The following ARFGEF1 variants were observed in gnomAD, a reference collection of about 807,000 sequenced individuals.
ARFGEF1 encodes the protein brefeldin A-inhibited guanine nucleotide-exchange protein 1.
In ARFGEF1, 42 loss-of-function variants were observed where a neutral mutation model predicts 231.0. That is an observed-to-expected ratio of 0.18 (90% CI 0.14 to 0.24). ARFGEF1 has a LOEUF of 0.24. Ranked by LOEUF, ARFGEF1 falls within the 10% of genes least tolerant of loss-of-function variation. The pLI is 1.00. For missense variants in ARFGEF1, 1,345 were observed against 2,192.0 expected, an observed-to-expected ratio of 0.61 and a Z score of 7.72; for synonymous variants, 710 against 732.3, an observed-to-expected ratio of 0.97 and a Z score of 0.49.
chr8:67,210,048 G>A (rs571597344), intron 34 of ARFGEF1, among the ~76,000 whole-genome samples: 48 of 151,710 alleles, frequency 3.2e-4, no homozygotes, highest in African/African-American at 8.7e-4. Context: ...CCAGCTACTC[G>A]GGAGGCTGAG....
chr8:67,311,645 C>T (rs1807072006), intron 1 of ARFGEF1, among the ~76,000 whole-genome samples: 1 of 151,538 alleles, frequency 6.6e-6, no homozygotes, highest in Admixed American at 6.6e-5. Flanking sequence ...AGCCAGCCGC[C>T]CCGTCCGGGA....
intron 5 of ARFGEF1, among the ~76,000 whole-genome samples, chr8:67,188,397 GGTA>G (rs972362748): frequency 5.3e-5 from 8 of 152,096 alleles, no homozygotes; most frequent in African/African-American, 1.9e-4. Context: ...CAACCAATCA[GGTA>G]GTAAAGAGGG....
intron 7 of ARFGEF1, among the ~76,000 whole-genome samples, chr8:67,283,939 T>A (rs1211610553): frequency 6.6e-6 from 1 of 152,210 alleles, no homozygotes; most frequent in East Asian, 1.9e-4. Context: ...CAGATATTCA[T>A]ATTCATTTAC....
chr8:67,252,509 A>G (rs1224345711), intron 18 of ARFGEF1, among the ~76,000 whole-genome samples: 10 of 152,086 alleles, frequency 6.6e-5, no homozygotes, highest in Non-Finnish European at 1.5e-4. Flanking sequence ...GATACAATAT[A>G]TAATATTCTT....
chr8:67,241,677 A>C (rs965187832), intron 19 of ARFGEF1, among the ~76,000 whole-genome samples: 2 of 152,194 alleles, frequency 1.3e-5, no homozygotes, highest in African/African-American at 2.4e-5. Context: ...GAGCTCCACC[A>C]ATCATCCCCC....
chr8:67,266,881 G>A lies in ARFGEF1; in HGVS notation c.1916C>T (p.Thr639Ile). The A allele has an allele frequency of 1.2e-6, 2 of 1,610,906 alleles. No individual in the cohort carries two copies. The highest frequency in any genetic ancestry group is 2.2e-5 in the South Asian group (2 of 90,838). The change falls in exon 13 of 39, where the codon ACT becomes ATT. Residue 639 changes from threonine to isoleucine, a missense_variant. Physicochemically the swap from Thr to Ile is moderately conservative, Grantham distance 89 (BLOSUM62 -1). This residue lies in a region of ARFGEF1 where 105 missense variants were observed against 159.3 expected (regional missense o/e 0.66). Coordinates refer to ENST00000262215, the MANE Select transcript of ARFGEF1 (RefSeq NM_006421.5). Reference sequence around the variant, plus strand: ...AGCTCAAAATATCACCTTACCAAGAGTTGTCTGGGAGTTGGGATTCACATA... The same window carrying A: ...AGCTCAAAATATCACCTTACCAAGAATTGTCTGGGAGTTGGGATTCACATA... ...DQYVNPNSQTTLGQEKPSEQE... is the reference protein window; with the variant it reads ...DQYVNPNSQTILGQEKPSEQE...
intron 7 of ARFGEF1, among the ~76,000 whole-genome samples, chr8:67,281,063 C>A (rs1430328282): frequency 4.0e-5 from 6 of 148,394 alleles, no homozygotes; most frequent in Non-Finnish European, 8.9e-5. Flanking sequence ...TTCTTGGGGA[C>A]AAAAACATTA....
At chr8:67,195,327 T>C (rs1372103955), downstream of ARFGEF1, 1 of 1,090,784 alleles carries the variant, frequency 9.2e-7, no homozygotes, top group East Asian at 2.3e-5. Flanking sequence ...CCTGCGCTTA[T>C]GTCTCCTGCC....
intron 1 of ARFGEF1, among the ~76,000 whole-genome samples, chr8:67,310,536 G>A (rs926631438): frequency 6.6e-5 from 10 of 152,190 alleles, no homozygotes; most frequent in African/African-American, 2.4e-4. Flanking sequence ...GGGAAGTGAG[G>A]AGTGTCTCTG....
rs1184994996 is a variant in ARFGEF1 at position 67,226,132 on chromosome 8, G to T, written c.3968C>A (p.Ala1323Glu). The T allele has an allele frequency of 6.2e-7, 1 of 1,612,638 alleles. No homozygotes were observed. The highest frequency in any genetic ancestry group is 8.5e-7 in the Non-Finnish European group (1 of 1,179,290). The change falls in exon 28 of 39, where the codon GCA (alanine) becomes GAA (glutamate). Residue 1323 changes from alanine to glutamate, a missense_variant. By Grantham distance (107) the Ala-to-Glu change is moderately radical. This residue lies in a region of ARFGEF1 where 142 missense variants were observed against 227.3 expected (regional missense o/e 0.62). Transcript: ENST00000262215. ...CGCAAATTCAGACAAACACTTCACT[G>T]CATCCTGGAAAGAATCAATGGTCGC... ...FPATIDSFQD[A>E]VKCLSEFACN... is the part of the protein sequence containing the mutation.
intron 29 of ARFGEF1, 25 bp downstream of exon 29, chr8:67,224,878 T>G (rs759614729): frequency 2.0e-6 from 3 of 1,470,132 alleles, no homozygotes; most frequent in African/African-American, 1.4e-5. Flanking sequence ...AATCCAAAAT[T>G]TTAATTACAA....
At chr8:67,332,258 A>C (rs1244355014) in intron 1 of ARFGEF1, among the ~76,000 whole-genome samples, 3 of 152,150 alleles carry the variant, frequency 2.0e-5, no homozygotes, top group Non-Finnish European at 4.4e-5. Flanking sequence ...ACATAACATA[A>C]CATTTTAATA....
At chr8:67,233,875 G>GA (rs936646558) in intron 22 of ARFGEF1, among the ~76,000 whole-genome samples, 30 of 152,162 alleles carry the variant, frequency 2.0e-4, no homozygotes, top group African/African-American at 5.5e-4. Flanking sequence ...GGTTCTCAAT[G>GA]AAAAGTTCCT....
chr8:67,276,913 A>C lies in ARFGEF1; in HGVS notation c.1203+369T>G, dbSNP rs547774150. Among the ~76,000 whole-genome samples the C allele has an allele frequency of 7.4e-4, 113 of 152,244 alleles. 1 individual carries two copies. The highest frequency in any genetic ancestry group is 2.4e-3 in the African/African-American group (98 of 41,546). ...TCTGAGCGTCATCTTGGCACTCAAA[A>C]AGTTTTGGATTTGGAGCATTTTGAA... On this transcript the variant is annotated intron_variant, in intron 8 of 38. Transcript: ENST00000262215.
At chr8:67,302,621 A>AT (rs1186403525) in intron 1 of ARFGEF1, among the ~76,000 whole-genome samples, 155 bp from the exon 2 acceptor site, 2 of 152,178 alleles carry the variant, frequency 1.3e-5, no homozygotes, top group East Asian at 3.8e-4. Context: ...TTTCATCTAA[A>AT]TTTTTTAATT....
At chr8:67,311,223 G>A (rs1279220311) in intron 1 of ARFGEF1, among the ~76,000 whole-genome samples, 20 of 141,786 alleles carry the variant, frequency 1.4e-4, no homozygotes, top group South Asian at 2.3e-4. Flanking sequence ...CAGCCGCCCC[G>A]TCCGGGAGGG....
chr8:67,254,681 G>A (rs766233754), intron 17 of ARFGEF1, among the ~76,000 whole-genome samples: 1 of 151,918 alleles, frequency 6.6e-6, no homozygotes, highest in Non-Finnish European at 1.5e-5. Flanking sequence ...AAAGTACAGA[G>A]GAACCAAAAC....
intron 22 of ARFGEF1, among the ~76,000 whole-genome samples, chr8:67,236,366 ATATATATATATATATATATATATATATAT>A (rs1170317630): frequency 3.4e-4 from 6 of 17,726 alleles, no homozygotes; most frequent in East Asian, 3.7e-3. Context: ...AAAAAAAAAA[ATATATATATATATATATATATATATATAT>A]ATATATATAT....
At chr8:67,259,472 C>A (rs537883448) in intron 15 of ARFGEF1, among the ~76,000 whole-genome samples, 362 of 152,312 alleles carry the variant, frequency 2.4e-3, no homozygotes, top group Non-Finnish European at 4.3e-3. Context: ...AGGTGATCTA[C>A]CCGCTTCAGC....
Sources: gnomAD v4.1 joint callset for allele counts (sites outside exome capture counted in the v4.1 genomes callset) on GRCh38, gnomAD v4.1.1 for gene constraint, gnomAD v4.1.1 regional missense constraint, MANE v1.5 for transcripts, NCBI Gene and HGNC (gene_info 2026-07-23, HGNC 2026-07-21) for gene names.